The following NTAQ1 variants were observed in gnomAD, a reference collection of about 807,000 sequenced individuals.
NTAQ1 encodes the protein protein N-terminal glutamine amidohydrolase.
NTAQ1 carries 21 observed loss-of-function variants against 28.2 expected under a neutral mutation model. The ratio of observed to expected loss-of-function variants is 0.74; its 90% CI spans 0.53 to 1.07. The LOEUF (loss-of-function observed/expected upper bound fraction) is 1.07. Ranked by LOEUF, NTAQ1 falls within the 50% of genes least tolerant of loss-of-function variation. NTAQ1 has a pLI of 0.00. For missense variants in NTAQ1, 264 were observed against 256.6 expected, an observed-to-expected ratio of 1.03 and a Z score of -0.20; for synonymous variants, 105 against 90.0, an observed-to-expected ratio of 1.17 and a Z score of -0.94.
rs1284458841 is a variant in NTAQ1 at position 123,437,085 on chromosome 8, A to G, written c.384-125A>G. ...AATAGGTAGTAAAGTTGCCTGTATT[A>G]CTAACCATACAGAAATGCATGAGTA... On this transcript the variant is annotated intron_variant, in intron 4 of 5. Coordinates refer to ENST00000287387, the MANE Select transcript of NTAQ1 (RefSeq NM_018024.3). 5 of 1,290,250 alleles carry G rather than the reference A, an allele frequency of 3.9e-6. No individual in the cohort carries two copies. In the Admixed American group the frequency reaches 6.7e-5, roughly 17 times the overall value. The allele number at this position is 1,290,250 out of a possible 1,614,324, so 79.9% of individuals were successfully genotyped here. A position where few individuals can be genotyped will look rare whatever the true frequency, so the allele number is the denominator to read the frequency against.
chr8:123,468,705 C>G (rs987810213), exon 7 of NTAQ1, among the ~76,000 whole-genome samples: 1 of 152,110 alleles, frequency 6.6e-6, no homozygotes, highest in African/African-American at 2.4e-5. Flanking sequence ...GTTTTCAGTT[C>G]TTTTGGATAT....
chr8:123,419,315 T>C (rs941756468), intron 1 of NTAQ1, among the ~76,000 whole-genome samples: 1 of 151,976 alleles, frequency 6.6e-6, no homozygotes, highest in African/African-American at 2.4e-5. Flanking sequence ...GCTGGGCTGG[T>C]CTTGAACTCC....
In NTAQ1 at chr8:123,421,115, A is replaced by C. The variant is rs151165866; in HGVS notation, c.83+4183A>C. ...ATTCATTTTTTTGAGACAGAATCTC[A>C]CTCTGTCACCCAGGCTGGAGTGCAG... On this transcript the variant is annotated intron_variant, in intron 1 of 5. Transcript: ENST00000287387. 8.5e-3 allele frequency among the ~76,000 whole-genome samples: 1,195 copies of C among 140,902 alleles called. 15 individuals are homozygous for C. Among genetic ancestry groups the C allele is most frequent in the African/African-American group, 0.03 (1,134 of 37,414 alleles). The allele number at this position is 140,902 out of a possible 152,430, so 92.4% of individuals were successfully genotyped here. A position where few individuals can be genotyped will look rare whatever the true frequency, so the allele number is the denominator to read the frequency against.
chr8:123,433,609 G>A (rs4870853), intron 3 of NTAQ1, among the ~76,000 whole-genome samples: 45,616 of 151,860 alleles, frequency 0.3, 7,391 homozygotes, highest in South Asian at 0.45. Flanking sequence ...CACCATGCCC[G>A]GCTCGTTGTT....
At chr8:123,456,282 T>A (rs1289061420) in intron 6 of NTAQ1, among the ~76,000 whole-genome samples, 2 of 152,116 alleles carry the variant, frequency 1.3e-5, no homozygotes, top group Non-Finnish European at 2.9e-5. Context: ...ATTGCAAGGA[T>A]TTTTGTTGTT....
chr8:123,466,938 T>C (rs1815972783), intron 6 of NTAQ1: 1 of 152,172 alleles, frequency 6.6e-6, no homozygotes, highest in Non-Finnish European at 1.5e-5. Flanking sequence ...TATAAGTTCT[T>C]TTTTTAATAG....
At chr8:123,420,091 A>T (rs4871370) in intron 1 of NTAQ1, among the ~76,000 whole-genome samples, 1 of 151,596 alleles carries the variant, frequency 6.6e-6, no homozygotes, top group South Asian at 2.1e-4. Context: ...AGTAGGCCCC[A>T]TGTCTACTGT....
rs529212618 is a variant in NTAQ1 at position 123,424,517 on chromosome 8, C to T, written c.84-3407C>T. ...TCGGCCTCCCAGAGTGCTGGGATTA[C>T]AGGCGTGAGCTGCTGCGCCTGGCCA... On this transcript the variant is annotated intron_variant, in intron 1 of 5. Transcript: ENST00000287387. 2.4e-4 allele frequency among the ~76,000 whole-genome samples: 37 copies of T among 152,276 alleles called. 1 individual carries two copies. The highest frequency in any genetic ancestry group is 8.4e-4 in the African/African-American group (35 of 41,570).
downstream of NTAQ1, among the ~76,000 whole-genome samples, chr8:123,472,794 T>C (rs1001393612): frequency 6.6e-6 from 1 of 152,200 alleles, no homozygotes; most frequent in South Asian, 2.1e-4. Context: ...TAAAACTCTT[T>C]TTCTGTGGAA....
chr8:123,453,563 G>A (rs1442825380), intron 6 of NTAQ1, among the ~76,000 whole-genome samples: 5 of 151,912 alleles, frequency 3.3e-5, no homozygotes, highest in Non-Finnish European at 7.4e-5. Context: ...TGAGTAGCTG[G>A]GACTATAGAC....
At chr8:123,456,436 C>A (rs1032173667) in intron 6 of NTAQ1, among the ~76,000 whole-genome samples, 1 of 152,168 alleles carries the variant, frequency 6.6e-6, no homozygotes, top group Non-Finnish European at 1.5e-5. Context: ...AGGCAGCAGG[C>A]ATTTTAAAGT....
intron 6 of NTAQ1, among the ~76,000 whole-genome samples, chr8:123,456,558 A>G (rs1815655529): frequency 6.6e-6 from 1 of 152,216 alleles, no homozygotes; most frequent in Non-Finnish European, 1.5e-5. Flanking sequence ...ATTACACCAG[A>G]ATAAAGTATA....
chr8:123,455,057 A>G (rs1431590468), intron 6 of NTAQ1: 1 of 152,216 alleles, frequency 6.6e-6, no homozygotes, highest in Non-Finnish European at 1.5e-5. Flanking sequence ...ATTAGCAATA[A>G]TCACGCCTCG....
chr8:123,454,742 C>T (rs1357287021), intron 6 of NTAQ1, among the ~76,000 whole-genome samples: 1 of 152,152 alleles, frequency 6.6e-6, no homozygotes, highest in East Asian at 1.9e-4. Context: ...TGTCTGCCAG[C>T]GGATACTGTA....
rs139804458 is a variant in NTAQ1, at chr8:123,430,077, AACCC to A, written c.234+45_234+48del. ...AGAGTATTGACGCATTATGACTTGT[AACCC>A]CTTAGTGTTCTGTATGTTTTGGTAA... On this transcript the variant is annotated intron_variant, in intron 3 of 5. Transcript: ENST00000287387. 2.7e-3 allele frequency: 4,007 copies of A among 1,503,168 alleles called. 16 individuals carry two copies. The highest frequency in any genetic ancestry group is 4.3e-3 in the Middle Eastern group (25 of 5,816). The allele number at this position is 1,503,168 out of a possible 1,614,324, so 93.1% of individuals were successfully genotyped here.
chr8:123,428,966 G>T (rs535589894), intron 2 of NTAQ1, among the ~76,000 whole-genome samples: 1 of 152,046 alleles, frequency 6.6e-6, no homozygotes, highest in South Asian at 2.1e-4. Flanking sequence ...GCTTAGAGAC[G>T]CATACTCTCA....
chr8:123,446,161 T>G (rs1337542536), downstream of NTAQ1, among the ~76,000 whole-genome samples: 1 of 151,014 alleles, frequency 6.6e-6, no homozygotes, highest in Non-Finnish European at 1.5e-5. Flanking sequence ...CTGGCTAATT[T>G]TGTGTGTGTG....
At chr8:123,434,147 C>G (rs533145693) in intron 3 of NTAQ1, among the ~76,000 whole-genome samples, 2 of 151,400 alleles carry the variant, frequency 1.3e-5, no homozygotes, top group African/African-American at 2.4e-5. Context: ...CTGCATTGCT[C>G]TCCTGCCTGC....
At chr8:123,432,302 C>T (rs1010072164) in intron 3 of NTAQ1, among the ~76,000 whole-genome samples, 4 of 152,190 alleles carry the variant, frequency 2.6e-5, no homozygotes, top group African/African-American at 4.8e-5. Flanking sequence ...AAGTCTATGA[C>T]ATCACAAATA....
Sources: gnomAD v4.1 joint callset for allele counts (sites outside exome capture counted in the v4.1 genomes callset) on GRCh38, gnomAD v4.1.1 for gene constraint, MANE v1.5 for transcripts, NCBI Gene and HGNC (gene_info 2026-07-23, HGNC 2026-07-21) for gene names.